The following EVI5 variants were observed in gnomAD, a reference collection of about 807,000 sequenced individuals.
EVI5 encodes ecotropic viral integration site 5 protein homolog.
A neutral mutation model predicts 112.0 loss-of-function variants in EVI5; 73 were observed. That is an observed-to-expected ratio of 0.65 (90% confidence interval 0.54 to 0.79). The LOEUF is 0.79. Among genes scored for constraint, EVI5 ranks in the 30% least tolerant of loss-of-function variants. EVI5 has a pLI of 0.00. For synonymous variants in EVI5, 305 were observed against 319.9 expected (o/e 0.95, Z 0.50); for missense variants, 900 against 968.8 (o/e 0.93, Z 0.94).
chr1:92,631,689 T>C (rs1054941191), intron 14 of EVI5, among the ~76,000 whole-genome samples: 8 of 152,168 alleles, frequency 5.3e-5, no homozygotes, highest in African/African-American at 1.4e-4. Flanking sequence ...TCCTGCCTGA[T>C]TGCCCTGGCC....
chr1:92,567,119 T>C (rs891744993), intron 18 of EVI5, among the ~76,000 whole-genome samples: 7 of 151,992 alleles, frequency 4.6e-5, no homozygotes, highest in African/African-American at 1.7e-4. Context: ...GCCATGTGCC[T>C]AAGTTTTTAA....
intron 1 of EVI5, among the ~76,000 whole-genome samples, chr1:92,745,682 C>T (rs1348511907): frequency 1.3e-5 from 2 of 152,022 alleles, no homozygotes; most frequent in African/African-American, 4.8e-5. Context: ...GTGGCACAGA[C>T]CTGTAGTAGA....
At chr1:92,573,955 G>A (rs750194283) in intron 18 of EVI5, among the ~76,000 whole-genome samples, 9 of 152,000 alleles carry the variant, frequency 5.9e-5, no homozygotes, top group Admixed American at 2.6e-4. Context: ...ACTCAAAAGT[G>A]TTGTATCTGT....
In EVI5 at chr1:92,513,607, A is replaced by G. The variant is rs1659377690; in HGVS notation, c.*49T>C. On this transcript the variant is annotated 3_prime_UTR_variant, in exon 20 of 20. Transcript: ENST00000684568. Reference sequence around the variant, plus strand: ...ATTATTTCCAAAAAGCCCTAATCATATGATAACTGATCCCTTAAATAAATC... The same window carrying G: ...ATTATTTCCAAAAAGCCCTAATCATGTGATAACTGATCCCTTAAATAAATC... The G allele has an allele frequency of 1.6e-6, 2 of 1,213,460 alleles. No individual in the cohort carries two copies. Among genetic ancestry groups the G allele is most frequent in the Non-Finnish European group, 2.3e-6 (2 of 883,386 alleles). 75.2% of individuals were successfully genotyped at this position (1,213,460 alleles called of 1,614,324 possible). A position where few individuals can be genotyped will look rare whatever the true frequency, so the allele number is the denominator to read the frequency against.
chr1:92,695,234 C>T lies in EVI5; in HGVS notation c.909+76G>A, dbSNP rs534576392. 12 of 1,231,242 alleles carry T rather than the reference C, an allele frequency of 9.7e-6. No individual in the cohort carries two copies. The African/African-American group carries it at 1.7e-4, about 17-fold the overall frequency. 76.3% of individuals were successfully genotyped at this position (1,231,242 alleles called of 1,614,324 possible). A position where few individuals can be genotyped will look rare whatever the true frequency, so the allele number is the denominator to read the frequency against. On this transcript the variant is annotated intron_variant, in intron 7 of 19. Coordinates refer to ENST00000684568, the MANE Select transcript of EVI5 (RefSeq NM_001350197.2). ...GGACACATGGCTTTCCTTCATTGCT[C>T]TCCTCATTGCCCTGCTCTCACTAAC... is the stretch of plus-strand genomic sequence containing the variant.
In EVI5 at chr1:92,513,172, A is replaced by G. The variant is rs1659303219; in HGVS notation, c.*484T>C. 6.6e-6 allele frequency: 1 copy of G among 151,846 alleles called. No homozygotes were observed. The highest frequency in any genetic ancestry group is 6.6e-5 in the Admixed American group (1 of 15,226). The allele number at this position is 151,846 out of a possible 1,614,324, so 9.4% of individuals were successfully genotyped here. A position where few individuals can be genotyped will look rare whatever the true frequency, so the allele number is the denominator to read the frequency against. ...TAAAAAAAAAAACAACAATAAAAAA[A>G]AAAACACAAGGTAAATCAGATGTAT... On this transcript the variant is annotated 3_prime_UTR_variant, in exon 20 of 20. Transcript: ENST00000684568.
At chr1:92,675,943 G>A (rs144761697) in intron 10 of EVI5, among the ~76,000 whole-genome samples, 268 of 139,800 alleles carry the variant, frequency 1.9e-3, no homozygotes, top group African/African-American at 6.8e-3. Flanking sequence ...GCGATACAGC[G>A]AGACTTCGTC....
At chr1:92,606,174 A>G (rs1452248532) in intron 17 of EVI5, among the ~76,000 whole-genome samples, 2 of 152,232 alleles carry the variant, frequency 1.3e-5, no homozygotes, top group Non-Finnish European at 2.9e-5. Context: ...ATTAGTTCAT[A>G]AAATCCTCTA....
At chr1:92,697,719 CA>C in intron 6 of EVI5, 140 bp downstream of exon 6, 2 of 699,312 alleles carry the variant, frequency 2.9e-6, no homozygotes, top group Non-Finnish European at 4.7e-6. Flanking sequence ...ATTAACCAAC[CA>C]AAAAACAATC....
intron 19 of EVI5, among the ~76,000 whole-genome samples, chr1:92,529,118 G>A (rs1462269431): frequency 6.6e-6 from 1 of 152,090 alleles, no homozygotes; most frequent in Admixed American, 6.6e-5. Flanking sequence ...CTCTTTATAT[G>A]TTAGACCATT....
intron 1 of EVI5, among the ~76,000 whole-genome samples, chr1:92,779,429 G>A (rs1014954997): frequency 1.3e-5 from 2 of 152,060 alleles, no homozygotes; most frequent in Non-Finnish European, 2.9e-5. Context: ...GGGCCGAGAC[G>A]GGGAATCGCT....
chr1:92,727,058 T>C (rs1675681119), intron 2 of EVI5, among the ~76,000 whole-genome samples: 1 of 152,146 alleles, frequency 6.6e-6, no homozygotes, highest in African/African-American at 2.4e-5. Flanking sequence ...AAATAACCTA[T>C]TTTCCTCAAA....
intron 19 of EVI5, among the ~76,000 whole-genome samples, chr1:92,559,352 T>C (rs1668159382): frequency 6.6e-6 from 1 of 152,218 alleles, no homozygotes; most frequent in East Asian, 1.9e-4. Context: ...ATACCATTTT[T>C]CCTACCCTTC....
intron 9 of EVI5, among the ~76,000 whole-genome samples, chr1:92,690,426 G>A (rs1669307247): frequency 6.7e-6 from 1 of 150,132 alleles, no homozygotes; most frequent in African/African-American, 2.5e-5. Context: ...ACAGTTCACT[G>A]CATCCTAGAC....
chr1:92,581,553 T>C (rs1019959959), intron 18 of EVI5, among the ~76,000 whole-genome samples: 3 of 152,228 alleles, frequency 2.0e-5, no homozygotes, highest in Admixed American at 6.5e-5. Flanking sequence ...ATGGGATAGA[T>C]AGTCAAGGTT....
chr1:92,749,259 G>T, intron 1 of EVI5: 1 of 332,772 alleles, frequency 3.0e-6, no homozygotes, highest in Non-Finnish European at 6.0e-6. Context: ...TACCACTGGT[G>T]CATCTGCTGG....
At chr1:92,589,477 C>A (rs1323371753) in intron 18 of EVI5, among the ~76,000 whole-genome samples, 1 of 152,302 alleles carries the variant, frequency 6.6e-6, no homozygotes, top group Admixed American at 6.5e-5. Context: ...TATCCTGTGC[C>A]TGGCTTGGAG....
chr1:92,739,974 TTAA>T (rs1359975414), intron 1 of EVI5, among the ~76,000 whole-genome samples: 5 of 90,954 alleles, frequency 5.5e-5, no homozygotes, highest in Non-Finnish European at 1.2e-4. Flanking sequence ...CAAGTTACCT[TTAA>T]AAAAAAAAAA....
chr1:92,784,436 G>C (rs1456826671), intron 1 of EVI5: 2 of 985,222 alleles, frequency 2.0e-6, no homozygotes, highest in East Asian at 2.3e-4. Context: ...GCAAGTCAGG[G>C]GGGCGAGTGC....
Sources: gnomAD v4.1 joint callset for allele counts (sites outside exome capture counted in the v4.1 genomes callset) on GRCh38, gnomAD v4.1.1 for gene constraint, MANE v1.5 for transcripts, NCBI Gene and HGNC (gene_info 2026-07-23, HGNC 2026-07-21) for gene names.